Variants in AGO2 observed in about 807,000 individuals in gnomAD.
AGO2 encodes protein argonaute-2.
Under a neutral mutation model 102.3 loss-of-function variants are expected in AGO2, and 5 were observed. The ratio of observed to expected loss-of-function variants is 0.05; its 90% confidence interval spans 0.03 to 0.10. The LOEUF (loss-of-function observed/expected upper bound fraction) is 0.10, where lower values mean the gene tolerates loss of function less well. Ranked by LOEUF, AGO2 falls within the 10% of genes least tolerant of loss-of-function variation. AGO2 has a pLI of 1.00. For synonymous variants in AGO2, 449 were observed against 473.1 expected (o/e 0.95, Z 0.66); for missense variants, 541 against 1,183.7 (o/e 0.46, Z 7.97).
At chr8:140,564,013 G>A (rs895171790) in intron 3 of AGO2, among the ~76,000 whole-genome samples, 4 of 152,218 alleles carry the variant, frequency 2.6e-5, no homozygotes, top group South Asian at 2.1e-4. Context: ...TCTGGCAGAC[G>A]CCCACGAGCC....
At chr8:140,619,778 G>A (rs1435521601) in intron 1 of AGO2, among the ~76,000 whole-genome samples, 1 of 152,176 alleles carries the variant, frequency 6.6e-6, no homozygotes, top group Non-Finnish European at 1.5e-5. Context: ...GACAGTGAGC[G>A]CCAGGGTTCT....
At chr8:140,621,271 G>C (rs2074214951) in intron 1 of AGO2, among the ~76,000 whole-genome samples, 1 of 152,208 alleles carries the variant, frequency 6.6e-6, no homozygotes, top group South Asian at 2.1e-4. Flanking sequence ...GGCCGCAGCA[G>C]TCCCCGACAC....
the AGO2 span, among the ~76,000 whole-genome samples, chr8:140,641,554 T>C: frequency 2.0e-5 from 3 of 152,196 alleles, no homozygotes; most frequent in Admixed American, 6.5e-5. Context: ...AAATTAACCA[T>C]AATTCTATAT....
At chr8:140,610,756 T>C (rs1050436286) in intron 1 of AGO2, among the ~76,000 whole-genome samples, 2 of 152,180 alleles carry the variant, frequency 1.3e-5, no homozygotes, top group African/African-American at 4.8e-5. Context: ...GCCCCTGTCC[T>C]GCCCATGGCC....
upstream of AGO2, among the ~76,000 whole-genome samples, chr8:140,640,564 G>A (rs1350438755): frequency 3.3e-5 from 5 of 151,936 alleles, no homozygotes; most frequent in Admixed American, 6.6e-5. Flanking sequence ...TGTTGCACAG[G>A]CTAGAGTGCC....
At chr8:140,551,859 T>C (rs1391537752) in intron 10 of AGO2, among the ~76,000 whole-genome samples, 4 of 139,822 alleles carry the variant, frequency 2.9e-5, no homozygotes, top group African/African-American at 1.1e-4. Flanking sequence ...GGGTAAATGG[T>C]TGATGGGTGG....
intron 10 of AGO2, among the ~76,000 whole-genome samples, chr8:140,552,929 G>T (rs1188509201): frequency 6.6e-6 from 1 of 152,190 alleles, no homozygotes; most frequent in African/African-American, 2.4e-5. Context: ...ATGTCCCCTG[G>T]GGGGCAAAAT....
At chr8:140,638,636 G>A (rs114189869), upstream of AGO2, among the ~76,000 whole-genome samples, 722 of 152,302 alleles carry the variant, frequency 4.7e-3, 4 homozygotes, top group African/African-American at 0.016. Context: ...GTGTAGTGGC[G>A]AAAACACAGC....
intron 17 of AGO2, among the ~76,000 whole-genome samples, chr8:140,535,148 C>T (rs1200994204): frequency 6.6e-6 from 1 of 152,248 alleles, no homozygotes; most frequent in Non-Finnish European, 1.5e-5. Context: ...ATGGCAGCCC[C>T]AGCGCCTCAA....
intron 1 of AGO2, among the ~76,000 whole-genome samples, chr8:140,611,003 A>G (rs543210419): frequency 6.6e-6 from 1 of 152,378 alleles, no homozygotes; most frequent in South Asian, 2.1e-4. Flanking sequence ...ACACGCGCGC[A>G]TGCAGATCAT....
rs1491069381 is a variant in AGO2, at chr8:140,530,319, G to GT, written c.*1724dup. 3 of 145,978 alleles carry GT rather than the reference G, an allele frequency of 2.1e-5. No individual in the cohort carries two copies. Among genetic ancestry groups the GT allele is most frequent in the Non-Finnish European group, 3.0e-5 (2 of 65,672 alleles). The allele number at this position is 145,978 out of a possible 1,614,324, so 9.0% of individuals were successfully genotyped here. On this transcript the variant is annotated 3_prime_UTR_variant, in exon 19 of 19. Transcript: ENST00000220592. The stretch of plus-strand genomic sequence containing the variant: ...GCTGAGCACAAAGGTGGGGGGGGGG[G>GT]TGCCGCTGAGCAGGAGGCAGCTCCT...
chr8:140,583,015 A>G (rs2073581047), intron 2 of AGO2, among the ~76,000 whole-genome samples: 1 of 152,244 alleles, frequency 6.6e-6, no homozygotes, highest in African/African-American at 2.4e-5. Context: ...GTCAGGGACC[A>G]GGTGGGGATC....
chr8:140,526,424 A>G lies in AGO2; in HGVS notation c.*5620T>C, dbSNP rs917354237. The G allele has an allele frequency of 6.6e-6, 1 of 152,306 alleles. No homozygotes were observed. The highest frequency in any genetic ancestry group is 6.5e-5 in the Admixed American group (1 of 15,300). The allele number at this position is 152,306 out of a possible 1,614,324, so 9.4% of individuals were successfully genotyped here. On this transcript the variant is annotated 3_prime_UTR_variant, in exon 19 of 19. Coordinates refer to ENST00000220592, the MANE Select transcript of AGO2 (RefSeq NM_012154.5). The surrounding 1 kb of genome is among the most constrained non-coding windows in gnomAD (Gnocchi z 5.2). ...CCATTCGTGCCGGCCGTAGAATCCT[A>G]GAATCTCAAAGCTGCGCAGAACAGA...
chr8:140,535,607 G>A lies in AGO2; in HGVS notation c.2170-38C>T, dbSNP rs768467390. 16 of 1,605,560 alleles carry A rather than the reference G, an allele frequency of 1.0e-5. No homozygotes were observed. In the South Asian group the frequency reaches 1.8e-4, roughly 18 times the overall value. On this transcript the variant is annotated intron_variant, in intron 16 of 18. Transcript: ENST00000220592. ...AGGCATCTCGTTAGACACGGCCAGG[G>A]ACCGGCAGAGCCAAGCAGGCGGGCC...
At position 140,524,949 on chromosome 8, in the gene AGO2, A is replaced by C. The variant is rs541521743; in HGVS notation, c.*7095T>G. On this transcript the variant is annotated 3_prime_UTR_variant, in exon 19 of 19. Transcript: ENST00000220592. ...CCAGTTCCTGGAGACACTTGGGGGA[A>C]AGAGTTAATATTTGGTGTTTTAGCT... 20 of 152,206 alleles carry C rather than the reference A, an allele frequency of 1.3e-4. No individual in the cohort carries two copies. Among genetic ancestry groups the C allele is most frequent in the Non-Finnish European group, 2.5e-4 (17 of 68,034 alleles). 9.4% of individuals were successfully genotyped at this position (152,206 alleles called of 1,614,324 possible). A position where few individuals can be genotyped will look rare whatever the true frequency, so the allele number is the denominator to read the frequency against.
Position 140,531,847 on chromosome 8 carries a change from C to G in AGO2, c.*197G>C. 1 of 548,500 alleles carries G rather than the reference C, an allele frequency of 1.8e-6. No individual in the cohort carries two copies. Among genetic ancestry groups the G allele is most frequent in the Non-Finnish European group, 3.3e-6 (1 of 305,236 alleles). The allele number at this position is 548,500 out of a possible 1,614,324, so 34.0% of individuals were successfully genotyped here. A position where few individuals can be genotyped will look rare whatever the true frequency, so the allele number is the denominator to read the frequency against. ...ACCATATTTCCTATGACATTGGGTT[C>G]TCATACAGGTCTGCAGTTCAAAATC... On this transcript the variant is annotated 3_prime_UTR_variant, in exon 19 of 19. Coordinates refer to ENST00000220592, the MANE Select transcript of AGO2 (RefSeq NM_012154.5).
intron 12 of AGO2, among the ~76,000 whole-genome samples, 200 bp downstream of exon 12, chr8:140,548,914 T>C (rs1255278775): frequency 6.6e-6 from 1 of 152,250 alleles, no homozygotes; most frequent in East Asian, 1.9e-4. Context: ...CATGGCATCA[T>C]ACAGGACGAC....
chr8:140,581,125 A>T (rs1334373817), intron 2 of AGO2, among the ~76,000 whole-genome samples: 8 of 152,252 alleles, frequency 5.3e-5, no homozygotes, highest in Admixed American at 3.9e-4. Context: ...AATGTGGGCC[A>T]GGCACAGTGG....
rs574245495 is a variant in AGO2 at position 140,576,247 on chromosome 8, G to A, written c.216-3315C>T. 3.3e-4 allele frequency among the ~76,000 whole-genome samples: 50 copies of A among 152,330 alleles called. No individual in the cohort carries two copies. In the South Asian group the frequency reaches 0.01, roughly 32 times the overall value. ...GAGAATCGTTTGAACCCAGGAGGCAGAGGTTGCAGTGAGCCGAGATTGTGC... is the reference window on the plus strand; with the variant it reads ...GAGAATCGTTTGAACCCAGGAGGCAAAGGTTGCAGTGAGCCGAGATTGTGC... On this transcript the variant is annotated intron_variant, in intron 2 of 18. Coordinates refer to ENST00000220592, the MANE Select transcript of AGO2 (RefSeq NM_012154.5).
Sources: allele counts gnomAD v4.1 joint callset (sites outside exome capture counted in the v4.1 genomes callset), GRCh38; gene constraint gnomAD v4.1.1; non-coding constraint Gnocchi (gnomAD v3.1); transcripts MANE v1.5; gene names NCBI Gene and HGNC (gene_info 2026-07-23, HGNC 2026-07-21).